ANO2: variants seen among roughly 807,000 people sequenced by gnomAD.
ANO2 encodes anoctamin 2.
A neutral mutation model predicts 124.2 loss-of-function variants in ANO2; 101 were observed. That is an observed-to-expected ratio of 0.81 (90% CI 0.69 to 0.96). The LOEUF is 0.96. ANO2 is among the 40% of genes least tolerant of loss of function. ANO2 has a pLI of 0.00. For synonymous variants in ANO2, 486 were observed against 482.5 expected (o/e 1.01, Z -0.09); for missense variants, 1,293 against 1,274.5 (o/e 1.01, Z -0.22).
intron 20 of ANO2, among the ~76,000 whole-genome samples, chr12:5,590,075 G>C (rs546270936): frequency 3.3e-5 from 5 of 152,100 alleles, no homozygotes; most frequent in Admixed American, 2.0e-4. Context: ...CCAGGGAGGA[G>C]GCAGGGCAGA....
intron 14 of ANO2, among the ~76,000 whole-genome samples, chr12:5,661,838 G>T (rs1047237771): frequency 6.6e-6 from 1 of 152,176 alleles, no homozygotes; most frequent in Non-Finnish European, 1.5e-5. Context: ...CCCCTCCCTC[G>T]CTGTTTTTGC....
At chr12:5,888,771 C>A (rs1420781544) in intron 3 of ANO2, among the ~76,000 whole-genome samples, 1 of 152,228 alleles carries the variant, frequency 6.6e-6, no homozygotes, top group Non-Finnish European at 1.5e-5. Flanking sequence ...TATTTACAAT[C>A]CCTTAGCTGG....
At position 5,615,140 on chromosome 12, in the gene ANO2, T is replaced by A. The variant is rs1489998775; in HGVS notation, c.1928+46A>T. 4.0e-6 allele frequency: 6 copies of A among 1,510,788 alleles called. No individual in the cohort carries two copies. In the South Asian group the frequency reaches 7.1e-5, roughly 18 times the overall value. 93.6% of individuals were successfully genotyped at this position (1,510,788 alleles called of 1,614,324 possible). A position where few individuals can be genotyped will look rare whatever the true frequency, so the allele number is the denominator to read the frequency against. On this transcript the variant is annotated intron_variant, in intron 17 of 24. Coordinates refer to ENST00000682330, the MANE Select transcript of ANO2 (RefSeq NM_001364791.2). ...ATTGTCCTGACAGTAGAGAACCCAG[T>A]CTTAGTGGCAAATTGCCTTTCTACA...
chr12:5,592,922 G>A (rs1439734867), intron 20 of ANO2, among the ~76,000 whole-genome samples: 4 of 152,136 alleles, frequency 2.6e-5, no homozygotes, highest in South Asian at 2.1e-4. Context: ...ACTTGAAAGC[G>A]GCCACAAGAG....
intron 1 of ANO2, among the ~76,000 whole-genome samples, chr12:5,930,037 T>C: frequency 8.2e-6 from 1 of 122,654 alleles, no homozygotes; most frequent in African/African-American, 2.8e-5. Context: ...ATTAGTCACT[T>C]TCTTACCAGT....
intron 14 of ANO2, among the ~76,000 whole-genome samples, chr12:5,722,571 G>A (rs1365798572): frequency 1.1e-4 from 16 of 152,184 alleles, no homozygotes; most frequent in Admixed American, 1.0e-3. Flanking sequence ...GTAATACTGT[G>A]TGGCGGTGTA....
At chr12:5,643,350 T>G (rs1007041246) in intron 15 of ANO2, among the ~76,000 whole-genome samples, 1 of 152,266 alleles carries the variant, frequency 6.6e-6, no homozygotes, top group Admixed American at 6.5e-5. Flanking sequence ...ATCTTGTTTT[T>G]TTCACCCTTG....
chr12:5,807,372 CG>C lies in ANO2; in HGVS notation c.893-5del, dbSNP rs758345507. ...TTTGCGATCAGAGAGTTAATACCTA[CG>C]GAAGAAAGGGAGATGAAAATAGTAA... On this transcript the variant is annotated splice_region_variant and splice_polypyrimidine_tract_variant and intron_variant, in intron 7 of 24. Transcript: ENST00000682330. 8.4e-6 allele frequency: 13 copies of C among 1,553,702 alleles called. No individual in the cohort carries two copies. In the Middle Eastern group the frequency reaches 6.7e-4, roughly 80 times the overall value.
In ANO2 at chr12:5,893,994, A is replaced by G. The variant is rs191104784; in HGVS notation, c.534+27046T>C. Reference sequence around the variant, plus strand: ...TAGTAGAACAATTTATAATCCTCTGAGTATATACCCAGTAATAGGATTGCT... The same window carrying G: ...TAGTAGAACAATTTATAATCCTCTGGGTATATACCCAGTAATAGGATTGCT... On this transcript the variant is annotated intron_variant, in intron 3 of 24. Coordinates refer to ENST00000682330, the MANE Select transcript of ANO2 (RefSeq NM_001364791.2). 5.4e-3 allele frequency among the ~76,000 whole-genome samples: 822 copies of G among 152,216 alleles called. 6 individuals carry two copies. The highest frequency in any genetic ancestry group is 0.019 in the African/African-American group (798 of 41,542).
chr12:5,879,487 T>G (rs966044657), intron 3 of ANO2, among the ~76,000 whole-genome samples: 5 of 152,118 alleles, frequency 3.3e-5, no homozygotes, highest in African/African-American at 1.2e-4. Context: ...AGCACTAGGG[T>G]TACCAGGACA....
chr12:5,815,171 G>A (rs1421027952), intron 7 of ANO2, among the ~76,000 whole-genome samples: 5 of 152,108 alleles, frequency 3.3e-5, no homozygotes, highest in East Asian at 1.9e-4. Context: ...TTTCTAATGC[G>A]ATGTCCCTTT....
chr12:5,807,389 A>T, intron 7 of ANO2, 21 bp from the exon 8 acceptor site: 2 of 1,549,446 alleles, frequency 1.3e-6, no homozygotes, highest in South Asian at 2.4e-5. Context: ...AAGGGAGATG[A>T]AAATAGTAAC....
At chr12:5,936,562 C>A (rs1037791222) in intron 1 of ANO2, among the ~76,000 whole-genome samples, 2 of 152,208 alleles carry the variant, frequency 1.3e-5, no homozygotes, top group Non-Finnish European at 2.9e-5. Flanking sequence ...ATGCTGACAC[C>A]TTGATCCTGG....
At position 5,923,252 on chromosome 12, in the gene ANO2, A is replaced by ACACGCACGCACACACC. The variant is rs1565784491; in HGVS notation, c.23-449_23-448insGGTGTGTGCGTGCGTG. 1.6e-3 allele frequency among the ~76,000 whole-genome samples: 117 copies of ACACGCACGCACACACC among 74,740 alleles called. 28 individuals are homozygous for ACACGCACGCACACACC. Among genetic ancestry groups the ACACGCACGCACACACC allele is most frequent in the African/African-American group, 6.1e-3 (111 of 18,224 alleles). 49.0% of individuals were successfully genotyped at this position (74,740 alleles called of 152,430 possible). Reference sequence around the variant, plus strand: ...TGCACACATACACACACGCATACACACACATACACACACACACACACACAC... The same window carrying ACACGCACGCACACACC: ...TGCACACATACACACACGCATACACACACGCACGCACACACCCACATACACACACACACACACACAC... On this transcript the variant is annotated intron_variant, in intron 1 of 24. Coordinates refer to ENST00000682330, the MANE Select transcript of ANO2 (RefSeq NM_001364791.2).
At chr12:5,660,681 GCAAGGAACTTCAAAT>G (rs1158848052) in intron 14 of ANO2, among the ~76,000 whole-genome samples, 1 of 152,090 alleles carries the variant, frequency 6.6e-6, no homozygotes, top group Non-Finnish European at 1.5e-5. Flanking sequence ...CTCCATAAAA[GCAAGGAACTTCAAAT>G]CTCATTCAAC....
intron 20 of ANO2, among the ~76,000 whole-genome samples, chr12:5,579,102 T>C (rs1481933592): frequency 2.0e-5 from 3 of 152,254 alleles, no homozygotes; most frequent in Admixed American, 6.5e-5. Flanking sequence ...CTTCTTTCCA[T>C]GTCTACAGTC....
At chr12:5,673,818 T>TA (rs1948117396) in intron 14 of ANO2, among the ~76,000 whole-genome samples, 1 of 152,214 alleles carries the variant, frequency 6.6e-6, no homozygotes, top group South Asian at 2.1e-4. Flanking sequence ...AGTATTGATT[T>TA]AGGGGATCGC....
intron 15 of ANO2, among the ~76,000 whole-genome samples, chr12:5,641,071 G>A (rs1256381928): frequency 6.6e-6 from 1 of 152,182 alleles, no homozygotes; most frequent in Non-Finnish European, 1.5e-5. Context: ...CATGTTCTTT[G>A]CAGGGACACG....
At chr12:5,879,940 C>A (rs1379530476) in intron 3 of ANO2, among the ~76,000 whole-genome samples, 2 of 152,142 alleles carry the variant, frequency 1.3e-5, no homozygotes, top group Non-Finnish European at 2.9e-5. Context: ...TCTGATAGAG[C>A]ATGAAGATGG....
Sources: allele counts gnomAD v4.1 joint callset (sites outside exome capture counted in the v4.1 genomes callset), GRCh38; gene constraint gnomAD v4.1.1; transcripts MANE v1.5; gene names NCBI Gene and HGNC (gene_info 2026-07-23, HGNC 2026-07-21).